Variants in COL4A3 observed in about 807,000 individuals in gnomAD.
The protein encoded by COL4A3 is collagen alpha-3(IV) chain.
In COL4A3, 135 loss-of-function variants were observed where a neutral mutation model predicts 217.4. The ratio of observed to expected loss-of-function variants is 0.62; its 90% CI spans 0.54 to 0.72. The LOEUF (loss-of-function observed/expected upper bound fraction) is 0.72, where lower values mean the gene tolerates loss of function less well. Ranked by LOEUF, COL4A3 falls within the 30% of genes least tolerant of loss-of-function variation. The probability of loss-of-function intolerance (pLI) is 0.00; values close to 1 mark genes in which losing one functional copy is unlikely to be tolerated. For synonymous variants in COL4A3, 690 were observed against 736.3 expected (o/e 0.94, Z 1.02); for missense variants, 1,868 against 2,119.9 (o/e 0.88, Z 2.33).
At chr2:227,218,080 C>CCATATATATATATATATATATA (rs2067598273) in intron 1 of COL4A3, among the ~76,000 whole-genome samples, 5 of 118,378 alleles carry the variant, frequency 4.2e-5, no homozygotes, top group Non-Finnish European at 1.9e-5. Flanking sequence ...ATATATATAG[C>CCATATATATATATATATATATA]TATATATATA....
chr2:227,170,296 C>T (rs1286495003), intron 1 of COL4A3, among the ~76,000 whole-genome samples: 1 of 151,866 alleles, frequency 6.6e-6, no homozygotes, highest in South Asian at 2.1e-4. Context: ...ATCTTTATGC[C>T]TTTTTTCCCT....
At chr2:227,201,045 A>G (rs1318490100) in intron 1 of COL4A3, among the ~76,000 whole-genome samples, 1 of 152,230 alleles carries the variant, frequency 6.6e-6, no homozygotes, top group Non-Finnish European at 1.5e-5. Context: ...TTAATGTAAT[A>G]ATGACATGCC....
At chr2:227,189,943 C>A (rs980530902) in intron 1 of COL4A3, among the ~76,000 whole-genome samples, 2 of 152,116 alleles carry the variant, frequency 1.3e-5, no homozygotes, top group Admixed American at 1.3e-4. Context: ...ATTCTTCCCC[C>A]CAAATCAGGA....
At chr2:227,311,317 C>A (rs959808039) in intron 51 of COL4A3, among the ~76,000 whole-genome samples, 4 of 151,906 alleles carry the variant, frequency 2.6e-5, no homozygotes, top group African/African-American at 9.7e-5. Context: ...ACCATATATA[C>A]CTTTTCAGAA....
chr2:227,183,895 G>A (rs569057574), intron 1 of COL4A3, among the ~76,000 whole-genome samples: 40 of 152,224 alleles, frequency 2.6e-4, no homozygotes, highest in Non-Finnish European at 5.0e-4. Flanking sequence ...TGACAGCAGC[G>A]CCTTGCAAAA....
intron 1 of COL4A3, among the ~76,000 whole-genome samples, chr2:227,231,925 C>T (rs1402533718): frequency 6.6e-6 from 1 of 151,284 alleles, no homozygotes; most frequent in Non-Finnish European, 1.5e-5. Flanking sequence ...TTTTTTTGTA[C>T]CCATTAATCA....
chr2:227,188,006 G>A (rs988701089), intron 1 of COL4A3, among the ~76,000 whole-genome samples: 21 of 152,116 alleles, frequency 1.4e-4, no homozygotes, highest in Non-Finnish European at 1.5e-5. Flanking sequence ...CAAGAATACA[G>A]TTTATAACAA....
chr2:227,299,349 A>G (rs984559529), intron 43 of COL4A3, among the ~76,000 whole-genome samples: 4 of 152,058 alleles, frequency 2.6e-5, no homozygotes, highest in Non-Finnish European at 5.9e-5. Context: ...GAGCCGAGAT[A>G]GCGCCACTGC....
chr2:227,228,900 G>A (rs2068240276), intron 1 of COL4A3, among the ~76,000 whole-genome samples: 1 of 152,124 alleles, frequency 6.6e-6, no homozygotes, highest in Non-Finnish European at 1.5e-5. Flanking sequence ...TCCATGTCAA[G>A]TCAATGAGTT....
intron 34 of COL4A3, among the ~76,000 whole-genome samples, chr2:227,288,528 A>AT (rs1359897139): frequency 6.6e-6 from 1 of 152,212 alleles, no homozygotes; most frequent in Non-Finnish European, 1.5e-5. Flanking sequence ...TTATTAACTG[A>AT]TTGACACTGT....
chr2:227,279,079 C>CTTT (rs34554554), intron 28 of COL4A3, among the ~76,000 whole-genome samples: 26 of 143,836 alleles, frequency 1.8e-4, no homozygotes, highest in African/African-American at 6.4e-4. Flanking sequence ...CGTTCTATAT[C>CTTT]TTTTTTTTTT....
In COL4A3 at chr2:227,284,262, AG is replaced by A. The variant is rs751695390; in HGVS notation, c.2803del (p.Glu935AsnfsTer16). 6.2e-7 allele frequency: 1 copy of A among 1,614,092 alleles called. No individual in the cohort carries two copies. The highest frequency in any genetic ancestry group is 1.1e-5 in the South Asian group (1 of 91,070). On this transcript the variant is annotated frameshift_variant, in exon 34 of 52. Coordinates refer to ENST00000396578, the MANE Select transcript of COL4A3 (RefSeq NM_000091.5). LOFTEE classifies it high-confidence loss of function. ...VKGQRGTPGA[K>X]GEQGDKGNPG... is the part of the protein sequence containing the mutation. ...GGCCAGAGAGGAACCCCAGGAGCCA[AG>A]GGGGAACAAGGAGATAAAGGAAATC...
chr2:227,243,554 C>T (rs2069148414), intron 3 of COL4A3, among the ~76,000 whole-genome samples: 1 of 152,154 alleles, frequency 6.6e-6, no homozygotes. Context: ...CTGACTTTGG[C>T]CTTGACAGTG....
At chr2:227,246,287 CA>C (rs1471925243) in intron 6 of COL4A3, 1 of 532,728 alleles carries the variant, frequency 1.9e-6, no homozygotes, top group Non-Finnish European at 3.4e-6. Context: ...AATCAGAAAC[CA>C]AAGCTTTGAG....
chr2:227,223,149 C>G (rs1288384069), intron 1 of COL4A3, among the ~76,000 whole-genome samples: 1 of 152,064 alleles, frequency 6.6e-6, no homozygotes, highest in Non-Finnish European at 1.5e-5. Flanking sequence ...CTGGGGAACC[C>G]CTGAAACTAA....
chr2:227,230,091 T>C (rs1466523926), intron 1 of COL4A3, among the ~76,000 whole-genome samples: 1 of 151,786 alleles, frequency 6.6e-6, no homozygotes, highest in Non-Finnish European at 1.5e-5. Flanking sequence ...CTCCAGTTTG[T>C]AGCTACAATG....
intron 50 of COL4A3, among the ~76,000 whole-genome samples, 154 bp from the exon 51 acceptor site, chr2:227,310,622 A>G (rs2073704848): frequency 6.6e-6 from 1 of 152,202 alleles, no homozygotes; most frequent in Admixed American, 6.5e-5. Context: ...GCCTGGCCAC[A>G]TAGGTGGTTA....
At position 227,263,851 on chromosome 2, in the gene COL4A3, C is replaced by T. The variant is rs756863324; in HGVS notation, c.1222C>T (p.Arg408Cys). Residue 408 changes from arginine to cysteine, a missense_variant, in exon 21 of 52, where the codon CGC becomes TGC. By Grantham distance (180) the Arg-to-Cys change is radical. Transcript: ENST00000396578. ...GLKGSKGERG[R>C]PGKDAMGTPG... ...GAAAGGAAGTAAAGGGGAACGAGGC[C>T]GCCCAGGAAAGGATGCCATGGGGAC... 42 of 1,614,022 alleles carry T rather than the reference C, an allele frequency of 2.6e-5. No individual in the cohort carries two copies. The South Asian group carries it at 2.6e-4, about 10-fold the overall frequency.
rs140136784 is a variant in COL4A3 at position 227,236,292 on chromosome 2, G to T, written c.88-1676G>T. Among the ~76,000 whole-genome samples, 15 of 152,308 alleles carry T rather than the reference G, an allele frequency of 9.8e-5. No homozygotes were observed. The East Asian group carries it at 2.5e-3, about 25-fold the overall frequency. ...TTACTTTCCATTCCTATAAACTGCA[G>T]TGTATATGAACATGATGAGTGTCAA... On this transcript the variant is annotated intron_variant, in intron 1 of 51. Coordinates refer to ENST00000396578, the MANE Select transcript of COL4A3 (RefSeq NM_000091.5).
Sources: allele counts gnomAD v4.1 joint callset (sites outside exome capture counted in the v4.1 genomes callset), GRCh38; gene constraint gnomAD v4.1.1; transcripts MANE v1.5; gene names NCBI Gene and HGNC (gene_info 2026-07-23, HGNC 2026-07-21).